The following NF1 variants were observed in gnomAD, a reference collection of about 807,000 sequenced individuals.
The protein encoded by NF1 is neurofibromin.
In NF1, 122 loss-of-function variants were observed where a neutral mutation model predicts 325.7. The ratio of observed to expected loss-of-function variants is 0.37; its 90% CI spans 0.32 to 0.44. The LOEUF (loss-of-function observed/expected upper bound fraction) is 0.44, where lower values mean the gene tolerates loss of function less well. Ranked by LOEUF, NF1 falls within the 20% of genes least tolerant of loss-of-function variation. NF1 has a pLI of 1.00. For synonymous variants in NF1, 1,091 were observed against 1,186.0 expected (o/e 0.92, Z 1.65); for missense variants, 2,140 against 3,415.4 (o/e 0.63, Z 9.31).
In NF1 at chr17:31,155,974, T is replaced by C. The variant is rs780956522; in HGVS notation, c.61-9T>C. 7 of 1,612,386 alleles carry C rather than the reference T, an allele frequency of 4.3e-6. No homozygotes were observed. The African/African-American group carries it at 9.4e-5, about 22-fold the overall frequency. On this transcript the variant is annotated splice_polypyrimidine_tract_variant and intron_variant, in intron 1 of 57. Transcript: ENST00000358273. ...CTGTTAACGTGTTTTTTTTTTCTTT[T>C]TTTTTCAGCTTCCAATAAAAACAGG...
intron 5 of NF1, among the ~76,000 whole-genome samples, chr17:31,179,798 CAATG>C (rs2066092638): frequency 1.3e-5 from 2 of 150,506 alleles, no homozygotes; most frequent in Admixed American, 1.3e-4. Flanking sequence ...AAAAAAAAAT[CAATG>C]AATCCAGGAG....
chr17:31,357,739 C>G, intron 54 of NF1: 3 of 286,812 alleles, frequency 1.0e-5, no homozygotes, highest in Non-Finnish European at 2.0e-5. Context: ...ACAAAATTGA[C>G]CTTCTGTTTA....
chr17:31,120,016 T>C (rs1460721529), intron 1 of NF1, among the ~76,000 whole-genome samples: 2 of 152,214 alleles, frequency 1.3e-5, no homozygotes, highest in African/African-American at 4.8e-5. Context: ...ACTGTAGCCT[T>C]GTAGTATGGT....
intron 31 of NF1, among the ~76,000 whole-genome samples, chr17:31,255,788 A>G (rs773377453): frequency 1.3e-4 from 20 of 152,206 alleles, no homozygotes; most frequent in Non-Finnish European, 2.4e-4. Context: ...AGCTACTTTC[A>G]AAGAAGTATT....
intron 5 of NF1, among the ~76,000 whole-genome samples, chr17:31,172,566 A>G (rs1409640347): frequency 6.6e-6 from 1 of 152,096 alleles, no homozygotes; most frequent in Non-Finnish European, 1.5e-5. Context: ...AATTCTTACA[A>G]TAACCCTGTG....
At chr17:31,242,848 T>TGG (rs1339572514) in intron 29 of NF1, among the ~76,000 whole-genome samples, 1 of 152,218 alleles carries the variant, frequency 6.6e-6, no homozygotes, top group African/African-American at 2.4e-5. Context: ...TTGATGCTTA[T>TGG]GGATGTTCAT....
In NF1 at chr17:31,326,259, T is replaced by C. The variant is rs772663607; in HGVS notation, c.5268+7T>C. On this transcript the variant is annotated splice_region_variant and intron_variant, in intron 37 of 57. Transcript: ENST00000358273. Reference sequence around the variant, plus strand: ...CACCAAAGTTTCTATTAAAGTAAGTTCCAGTCTGTGTTTTGTAAACGATTC... The same window carrying C: ...CACCAAAGTTTCTATTAAAGTAAGTCCCAGTCTGTGTTTTGTAAACGATTC... The C allele has an allele frequency of 1.9e-5, 31 of 1,604,852 alleles. No individual in the cohort carries two copies. The highest frequency in any genetic ancestry group is 2.6e-5 in the Non-Finnish European group (31 of 1,179,766).
At chr17:31,215,265 G>GC (rs1201059878) in intron 13 of NF1, among the ~76,000 whole-genome samples, 5 of 152,108 alleles carry the variant, frequency 3.3e-5, no homozygotes, top group Non-Finnish European at 2.9e-5. Flanking sequence ...ACAGGCATGA[G>GC]CCCCCATGCC....
chr17:31,153,723 G>A (rs952640299), intron 1 of NF1, among the ~76,000 whole-genome samples: 1 of 151,732 alleles, frequency 6.6e-6, no homozygotes, highest in Admixed American at 6.6e-5. Flanking sequence ...CAGTCCTCCT[G>A]CCTCAGCCTC....
Position 31,360,674 on chromosome 17 carries a change from C to T in NF1, c.8348C>T (p.Thr2783Ile), listed in dbSNP as rs1190137765. Reference protein sequence around the residue: ...TANLNLSNSMTSLATSQHSPG... With the variant: ...TANLNLSNSMISLATSQHSPG... Reference sequence around the variant, plus strand: ...AACCTTAACCTTTCTAATTCCATGACCTCACTTGCAACTTCCCAGCATTCC... The same window carrying T: ...AACCTTAACCTTTCTAATTCCATGATCTCACTTGCAACTTCCCAGCATTCC... Residue 2783 changes from threonine to isoleucine, a missense_variant, in exon 57 of 58, where the codon ACC (threonine) becomes ATC (isoleucine). Transcript: ENST00000358273. 6.2e-7 allele frequency: 1 copy of T among 1,613,966 alleles called. No individual in the cohort carries two copies. The highest frequency in any genetic ancestry group is 8.5e-7 in the Non-Finnish European group (1 of 1,179,972).
At position 31,163,374 on chromosome 17, in the gene NF1, C is replaced by T. The variant is rs1567818021; in HGVS notation, c.477C>T (p.Thr159=). The T allele has an allele frequency of 6.2e-7, 1 of 1,613,754 alleles. No homozygotes were observed. Among genetic ancestry groups the T allele is most frequent in the African/African-American group, 1.3e-5 (1 of 74,890 alleles). ...ATGCAGTCTTTAGTCGCATTTCTACCAGGTTAGTGTGTAAATCCACATGGG... is the reference window on the plus strand; with the variant it reads ...ATGCAGTCTTTAGTCGCATTTCTACTAGGTTAGTGTGTAAATCCACATGGG... ...NFNAVFSRIS[T]RLQELTVCSE... The change falls in exon 4 of 58, where the codon ACC becomes ACT. Residue 159 remains threonine, a splice_region_variant and synonymous_variant. Transcript: ENST00000358273.
chr17:31,328,618 C>G (rs778743757), intron 38 of NF1, among the ~76,000 whole-genome samples: 7 of 152,240 alleles, frequency 4.6e-5, no homozygotes, highest in South Asian at 2.1e-4. Flanking sequence ...GCCAGCATCT[C>G]CTTGCACCCT....
chr17:31,304,145 G>T (rs1232195598), intron 36 of NF1: 9 of 1,052,880 alleles, frequency 8.5e-6, no homozygotes, highest in Admixed American at 2.7e-5. Flanking sequence ...GCAGATTTCA[G>T]ATAGTTCCTG....
At chr17:31,171,106 A>G (rs1216548631) in intron 5 of NF1, among the ~76,000 whole-genome samples, 1 of 152,202 alleles carries the variant, frequency 6.6e-6, no homozygotes, top group Non-Finnish European at 1.5e-5. Context: ...GGCAATACCT[A>G]TATAAAGGAA....
chr17:31,186,230 T>A (rs762504955), intron 8 of NF1, among the ~76,000 whole-genome samples: 3 of 152,114 alleles, frequency 2.0e-5, no homozygotes, highest in Non-Finnish European at 4.4e-5. Context: ...GTACCTTCTC[T>A]CTCCCCACCT....
intron 36 of NF1, among the ~76,000 whole-genome samples, chr17:31,280,210 AT>A (rs977855655): frequency 3.7e-4 from 55 of 147,584 alleles, no homozygotes; most frequent in South Asian, 1.5e-3. Context: ...TTTTTTTTTA[AT>A]TTTTTTTTTT....
chr17:31,270,944 C>T (rs558920242), intron 36 of NF1, among the ~76,000 whole-genome samples: 1 of 152,096 alleles, frequency 6.6e-6, no homozygotes, highest in Non-Finnish European at 1.5e-5. Flanking sequence ...AGGGGCAGGG[C>T]CTTATTTATA....
intron 1 of NF1, among the ~76,000 whole-genome samples, chr17:31,108,929 A>T (rs1913146433): frequency 6.6e-6 from 1 of 152,116 alleles, no homozygotes; most frequent in African/African-American, 2.4e-5. Context: ...GATCTATGAG[A>T]ATCAAAGATA....
At chr17:31,245,055 C>T (rs1487083711) in intron 29 of NF1, among the ~76,000 whole-genome samples, 1 of 152,008 alleles carries the variant, frequency 6.6e-6, no homozygotes, top group Non-Finnish European at 1.5e-5. Context: ...AGCACTGTGG[C>T]TAGAAGGTAT....
Sources: gnomAD v4.1 joint callset for allele counts (sites outside exome capture counted in the v4.1 genomes callset) on GRCh38, gnomAD v4.1.1 for gene constraint, MANE v1.5 for transcripts, NCBI Gene and HGNC (gene_info 2026-07-23, HGNC 2026-07-21) for gene names.